SCMH1: variants seen among roughly 807,000 people sequenced by gnomAD.
SCMH1 encodes the protein polycomb protein SCMH1.
In SCMH1, 37 loss-of-function variants were observed where a neutral mutation model predicts 70.8. The ratio of observed to expected loss-of-function variants is 0.52; its 90% confidence interval spans 0.40 to 0.69. The LOEUF (loss-of-function observed/expected upper bound fraction) is 0.69, where lower values mean the gene tolerates loss of function less well. SCMH1 is among the 30% of genes least tolerant of loss of function. SCMH1 has a pLI of 0.00. For missense variants in SCMH1, 607 were observed against 827.3 expected, an observed-to-expected ratio of 0.73 and a Z score of 3.27; for synonymous variants, 292 against 307.4, an observed-to-expected ratio of 0.95 and a Z score of 0.52.
At position 41,213,592 on chromosome 1, in the gene SCMH1, T is replaced by A. The variant is rs554354011; in HGVS notation, c.-117-27342A>T. Among the ~76,000 whole-genome samples the A allele has an allele frequency of 1.0e-3, 156 of 152,268 alleles. 2 individuals are homozygous for A. Among genetic ancestry groups the A allele is most frequent in the Non-Finnish European group, 1.3e-3 (89 of 68,018 alleles). On this transcript the variant is annotated intron_variant, in intron 1 of 14. Coordinates refer to ENST00000337495, the Ensembl canonical transcript of SCMH1. ...AGACACAGAGAGACCAAGAAGAATC[T>A]GAACAAACAAGTCTAAATTACCCCC...
intron 2 of SCMH1, among the ~76,000 whole-genome samples, chr1:41,185,447 C>A (rs1014481490): frequency 6.6e-6 from 1 of 152,088 alleles, no homozygotes; most frequent in African/African-American, 2.4e-5. Context: ...TTAGCCTCCC[C>A]AAATGCCGGG....
intron 1 of SCMH1, among the ~76,000 whole-genome samples, chr1:41,222,152 GGGAAGGGAA>G (rs1044772624): frequency 2.0e-5 from 3 of 151,470 alleles, no homozygotes; most frequent in Non-Finnish European, 4.4e-5. Flanking sequence ...CAGAAAGTGA[GGGAAGGGAA>G]GGAAGGGAAA....
At chr1:41,130,572 T>C (rs777962189) in intron 6 of SCMH1, among the ~76,000 whole-genome samples, 2 of 152,286 alleles carry the variant, frequency 1.3e-5, no homozygotes, top group Non-Finnish European at 2.9e-5. Context: ...TTTTTTTGCA[T>C]GTGTATATGT....
intron 2 of SCMH1, among the ~76,000 whole-genome samples, chr1:41,185,689 G>A (rs528086820): frequency 5.7e-4 from 85 of 149,640 alleles, no homozygotes; most frequent in African/African-American, 1.9e-3. Flanking sequence ...AGGCTGGAGT[G>A]CAATGGTGAG....
At chr1:41,097,155 G>C (rs1364681340) in intron 8 of SCMH1, among the ~76,000 whole-genome samples, 2 of 152,184 alleles carry the variant, frequency 1.3e-5, no homozygotes, top group African/African-American at 4.8e-5. Flanking sequence ...TTTAAGGTTA[G>C]GAGAAATTGT....
chr1:41,066,708 G>A (rs772857603), intron 10 of SCMH1, among the ~76,000 whole-genome samples: 10 of 151,916 alleles, frequency 6.6e-5, no homozygotes, highest in South Asian at 2.1e-4. Flanking sequence ...TCAGCCTCCC[G>A]AGTAGCTGGG....
chr1:41,048,862 G>A, exon 11 of SCMH1: 1 of 1,614,012 alleles, frequency 6.2e-7, no homozygotes, highest in Non-Finnish European at 8.5e-7. Flanking sequence ...GGGGGCCTGT[G>A]CTGCCATTCT....
intron 1 of SCMH1, among the ~76,000 whole-genome samples, chr1:41,211,535 T>C (rs1573102778): frequency 1.3e-5 from 2 of 152,172 alleles, no homozygotes; most frequent in South Asian, 4.1e-4. Context: ...GAAGAGGATG[T>C]GGAGATATAG....
chr1:41,181,074 T>C (rs1648606861), intron 2 of SCMH1, among the ~76,000 whole-genome samples: 2 of 152,032 alleles, frequency 1.3e-5, no homozygotes, highest in South Asian at 4.1e-4. Flanking sequence ...CTTTGGCAAA[T>C]CTGACAAAAA....
intron 8 of SCMH1, among the ~76,000 whole-genome samples, chr1:41,086,888 C>CAAAAAAAAAAAAAAAAAACCA (rs369382154): frequency 7.9e-6 from 1 of 126,798 alleles, no homozygotes; most frequent in Admixed American, 8.3e-5. Flanking sequence ...AAAACAAAAC[C>CAAAAAAAAAAAAAAAAAACCA]AAAAAAAAAA....
intron 9 of SCMH1, among the ~76,000 whole-genome samples, chr1:41,074,701 T>C (rs1657659662): frequency 6.6e-6 from 1 of 152,300 alleles, no homozygotes; most frequent in South Asian, 2.1e-4. Flanking sequence ...AAAATTTGTT[T>C]CCTATCCTCC....
intron 2 of SCMH1, among the ~76,000 whole-genome samples, chr1:41,173,742 G>T (rs1255105747): frequency 6.6e-6 from 1 of 152,044 alleles, no homozygotes; most frequent in Admixed American, 6.5e-5. Context: ...AATAGATAAA[G>T]AAAATATGGT....
chr1:41,160,083 T>A, intron 4 of SCMH1: 1 of 219,688 alleles, frequency 4.6e-6, no homozygotes, highest in Non-Finnish European at 8.9e-6. Context: ...CTTCATGTTA[T>A]CTTCTGTGTC....
chr1:41,173,302 A>C (rs1238267488), intron 2 of SCMH1, among the ~76,000 whole-genome samples: 1 of 152,174 alleles, frequency 6.6e-6, no homozygotes, highest in African/African-American at 2.4e-5. Flanking sequence ...AAACATAAAC[A>C]AAATGAGCTG....
At chr1:41,039,932 T>C (rs1177989238) in intron 12 of SCMH1, among the ~76,000 whole-genome samples, 1 of 143,836 alleles carries the variant, frequency 7.0e-6, no homozygotes, top group Non-Finnish European at 1.5e-5. Context: ...TTATATATAA[T>C]TTTACCTTTG....
chr1:41,235,727 T>C (rs1479573611), intron 1 of SCMH1, among the ~76,000 whole-genome samples: 1 of 152,178 alleles, frequency 6.6e-6, no homozygotes, highest in Non-Finnish European at 1.5e-5. Flanking sequence ...TTCTTGGTCT[T>C]TTCTCCCCAG....
intron 8 of SCMH1, among the ~76,000 whole-genome samples, chr1:41,091,649 C>T (rs1663553303): frequency 6.6e-6 from 1 of 152,140 alleles, no homozygotes; most frequent in African/African-American, 2.4e-5. Context: ...TCATCTCAGC[C>T]CAAAATCTCC....
At chr1:41,044,978 T>C (rs929951520) in intron 12 of SCMH1, among the ~76,000 whole-genome samples, 2 of 152,222 alleles carry the variant, frequency 1.3e-5, no homozygotes, top group African/African-American at 4.8e-5. Flanking sequence ...GAAATCTCTT[T>C]TTAAACTAGC....
intron 1 of SCMH1, among the ~76,000 whole-genome samples, chr1:41,225,957 G>A (rs577276000): frequency 1.3e-5 from 2 of 152,154 alleles, no homozygotes; most frequent in South Asian, 4.2e-4. Context: ...TGGTGAAAGG[G>A]GAGCAAGGAG....
Sources: allele counts gnomAD v4.1 joint callset (sites outside exome capture counted in the v4.1 genomes callset), GRCh38; gene constraint gnomAD v4.1.1; transcripts MANE v1.5; gene names NCBI Gene and HGNC (gene_info 2026-07-23, HGNC 2026-07-21).